The following NCAM1 variants were observed in gnomAD, a reference collection of about 807,000 sequenced individuals.
NCAM1 encodes neural cell adhesion molecule 1, also known as antigen recognized by monoclonal antibody 5.1H11.
NCAM1 carries 14 observed loss-of-function variants against 109.8 expected under a neutral mutation model. That is an observed-to-expected ratio of 0.13 (90% CI 0.08 to 0.20). The LOEUF is 0.20. Among genes scored for constraint, NCAM1 ranks in the 10% least tolerant of loss-of-function variants. NCAM1 has a pLI of 1.00. For synonymous variants in NCAM1, 418 were observed against 442.9 expected, an observed-to-expected ratio of 0.94 and a Z score of 0.70; for missense variants, 774 against 1,109.9, an observed-to-expected ratio of 0.70 and a Z score of 4.30.
chr11:113,081,282 G>A lies in NCAM1; in HGVS notation c.52+119618G>A, dbSNP rs1414593573. 3.9e-5 allele frequency among the ~76,000 whole-genome samples: 6 copies of A among 152,316 alleles called. No individual in the cohort carries two copies. The East Asian group carries it at 1.2e-3, about 30-fold the overall frequency. On this transcript the variant is annotated intron_variant, in intron 1 of 19. Coordinates refer to ENST00000316851, the MANE Select transcript of NCAM1 (RefSeq NM_181351.5). Reference sequence around the variant, plus strand: ...CAGGACGGGGGTCCCGTGAGGTAAAGGAGTCTAAGACAGCCTTCCATCCTC... The same window carrying A: ...CAGGACGGGGGTCCCGTGAGGTAAAAGAGTCTAAGACAGCCTTCCATCCTC...
chr11:113,225,135 G>A (rs995071641), intron 9 of NCAM1, among the ~76,000 whole-genome samples: 3 of 152,148 alleles, frequency 2.0e-5, no homozygotes, highest in African/African-American at 4.8e-5. Flanking sequence ...AAACTTCTCC[G>A]AGCTAAAGGA....
At chr11:113,036,555 C>A (rs1555079198) in intron 1 of NCAM1, among the ~76,000 whole-genome samples, 1 of 152,046 alleles carries the variant, frequency 6.6e-6, no homozygotes. Context: ...TAGATGCCTT[C>A]CCTCCGGGTC....
chr11:113,068,281 C>G (rs186327947), intron 1 of NCAM1, among the ~76,000 whole-genome samples: 144 of 152,276 alleles, frequency 9.5e-4, no homozygotes, highest in African/African-American at 2.6e-3. Flanking sequence ...GTTAAGAACT[C>G]TAGCTGTAGA....
chr11:113,238,411 T>A (rs1430325427), intron 14 of NCAM1, among the ~76,000 whole-genome samples: 1 of 152,196 alleles, frequency 6.6e-6, no homozygotes, highest in Non-Finnish European at 1.5e-5. Context: ...TAACTTATTA[T>A]GGTCTTTCTT....
At chr11:113,073,842 C>G (rs1265455330) in intron 1 of NCAM1, among the ~76,000 whole-genome samples, 2 of 152,274 alleles carry the variant, frequency 1.3e-5, no homozygotes, top group African/African-American at 4.8e-5. Flanking sequence ...AACCTCTGTG[C>G]AAAGAAAGTT....
At chr11:113,114,359 A>C (rs1483293039) in intron 1 of NCAM1, among the ~76,000 whole-genome samples, 2 of 152,186 alleles carry the variant, frequency 1.3e-5, no homozygotes, top group Non-Finnish European at 2.9e-5. Context: ...CTGACTCCAC[A>C]TTGGTAACCA....
intron 1 of NCAM1, among the ~76,000 whole-genome samples, chr11:113,126,118 C>G (rs1555097031): frequency 6.7e-6 from 1 of 149,332 alleles, no homozygotes; most frequent in Non-Finnish European, 1.5e-5. Context: ...GATCATACCA[C>G]TGCACTTCAG....
chr11:112,992,708 T>C (rs1211619267), intron 1 of NCAM1, among the ~76,000 whole-genome samples: 1 of 151,972 alleles, frequency 6.6e-6, no homozygotes, highest in Non-Finnish European at 1.5e-5. Flanking sequence ...GGGGTTTCAC[T>C]GCATTAGCTG....
chr11:113,093,400 C>T (rs1316377817), intron 1 of NCAM1, among the ~76,000 whole-genome samples: 1 of 152,170 alleles, frequency 6.6e-6, no homozygotes, highest in South Asian at 2.1e-4. Flanking sequence ...TTTGCTGTTG[C>T]ATTGCACCAA....
chr11:113,119,508 T>G (rs2136019766), intron 1 of NCAM1, among the ~76,000 whole-genome samples: 1 of 152,266 alleles, frequency 6.6e-6, no homozygotes, highest in South Asian at 2.1e-4. Flanking sequence ...CTGGTAGCAG[T>G]GCCCCTAGAC....
intron 1 of NCAM1, among the ~76,000 whole-genome samples, chr11:113,085,537 C>T (rs956916355): frequency 2.6e-5 from 4 of 152,172 alleles, no homozygotes; most frequent in South Asian, 2.1e-4. Context: ...CTCTTGTGAT[C>T]GCTGTGTTTA....
At chr11:113,136,895 G>A (rs1392849928) in intron 1 of NCAM1, among the ~76,000 whole-genome samples, 3 of 152,180 alleles carry the variant, frequency 2.0e-5, no homozygotes, top group Non-Finnish European at 4.4e-5. Context: ...CGCTGTGGGC[G>A]TGGTCAGACT....
At chr11:113,247,473 C>T (rs1451400842) in intron 15 of NCAM1, among the ~76,000 whole-genome samples, 2 of 152,156 alleles carry the variant, frequency 1.3e-5, no homozygotes, top group Admixed American at 6.5e-5. Context: ...CCTTTGTTCC[C>T]GGTCTGCTCT....
chr11:113,244,910 G>A (rs1434497558), intron 14 of NCAM1, among the ~76,000 whole-genome samples: 7 of 152,102 alleles, frequency 4.6e-5, no homozygotes, highest in Admixed American at 2.0e-4. Context: ...AACCAGCGGT[G>A]TTCTTTACAC....
chr11:113,015,805 T>C (rs1319942718), intron 1 of NCAM1, among the ~76,000 whole-genome samples: 2 of 152,024 alleles, frequency 1.3e-5, no homozygotes, highest in African/African-American at 4.8e-5. Flanking sequence ...AAGATCTAGA[T>C]ATATAACCAG....
At position 113,214,426 on chromosome 11, in the gene NCAM1, T is replaced by C; in HGVS notation, c.974T>C (p.Val325Ala). The C allele has an allele frequency of 6.2e-7, 1 of 1,613,890 alleles. No individual in the cohort carries two copies. The highest frequency in any genetic ancestry group is 8.5e-7 in the Non-Finnish European group (1 of 1,179,824). Reference protein sequence around the residue: ...NQTAMELEEQVTLTCEASGDP... With the variant: ...NQTAMELEEQATLTCEASGDP... ...ACTGCCATGGAATTAGAGGAGCAGG[T>C]CACTCTTACCTGTGAAGCCTCCGGA... The change falls in exon 8 of 20, where the codon GTC (valine) becomes GCC (alanine). Residue 325 changes from valine (V) to alanine (A), a missense_variant. Physicochemically the swap from Val to Ala is moderately conservative, Grantham distance 64. Transcript: ENST00000316851.
chr11:113,055,976 G>A (rs1416456685), intron 1 of NCAM1, among the ~76,000 whole-genome samples: 3 of 58,570 alleles, frequency 5.1e-5, no homozygotes, highest in South Asian at 1.3e-3. Context: ...TAAAGAAAAT[G>A]TGATATATAT....
At chr11:113,238,674 C>T (rs1021226304) in intron 14 of NCAM1, among the ~76,000 whole-genome samples, 1 of 152,222 alleles carries the variant, frequency 6.6e-6, no homozygotes, top group Non-Finnish European at 1.5e-5. Context: ...GAACCAACCA[C>T]CAGTTTAGCT....
chr11:113,260,321 C>T lies in NCAM1; in HGVS notation c.2129C>T (p.Pro710Leu). ...ACCTCGGCCCAGCCCACAGCCATCC[C>T]AGGTATGGCTGCCTCTGCTTTCTGT... is the stretch of plus-strand genomic sequence containing the variant. ...FRTSAQPTAI[P>L]ANGSPTSGLS... Residue 710 changes from proline (P) to leucine (L), a missense_variant and splice_region_variant, in exon 17 of 20, where the codon CCA (proline) becomes CTA (leucine). Pro to Leu is a moderately conservative substitution (Grantham distance 98). Around this residue, in one of 4 missense-constraint regions of NCAM1, gnomAD observed 523 missense variants for 784.2 expected, o/e 0.67. Coordinates refer to ENST00000316851, the MANE Select transcript of NCAM1 (RefSeq NM_181351.5). The T allele has an allele frequency of 6.2e-7, 1 of 1,610,334 alleles. No individual in the cohort carries two copies. Among genetic ancestry groups the T allele is most frequent in the South Asian group, 1.1e-5 (1 of 90,284 alleles).
Sources: gnomAD v4.1 joint callset for allele counts (sites outside exome capture counted in the v4.1 genomes callset) on GRCh38, gnomAD v4.1.1 for gene constraint, gnomAD v4.1.1 regional missense constraint, MANE v1.5 for transcripts, NCBI Gene and HGNC (gene_info 2026-07-23, HGNC 2026-07-21) for gene names.